The following ZNF521 variants were observed in gnomAD, a reference collection of about 807,000 sequenced individuals.
ZNF521 encodes the protein LYST-interacting protein 3.
ZNF521 carries 14 observed loss-of-function variants against 105.5 expected under a neutral mutation model. The ratio of observed to expected loss-of-function variants is 0.13; its 90% CI spans 0.09 to 0.21. ZNF521 has a LOEUF of 0.21. Ranked by LOEUF, ZNF521 falls within the 10% of genes least tolerant of loss-of-function variation. ZNF521 has a pLI of 1.00. For missense variants in ZNF521, 1,233 were observed against 1,629.7 expected (o/e 0.76, Z 4.19); for synonymous variants, 635 against 606.0 (o/e 1.05, Z -0.70).
chr18:25,226,853 G>C lies in ZNF521; in HGVS notation c.1065C>G (p.Ser355=). The change falls in exon 4 of 8, where the codon TCC becomes TCG. Residue 355 remains serine, a synonymous_variant. Transcript: ENST00000361524. This position sits in a 1 kb window ranked among gnomAD's most constrained non-coding sequence, Gnocchi z 4.1. ...AGAGGTTGGAATCTGGAGTCGTACT[G>C]GACACGGAGGTATAGCCCACCGTGA... ...SLVTVGYTSV[S]STTPDSNLSV... The C allele has an allele frequency of 6.2e-7, 1 of 1,613,904 alleles. No individual in the cohort carries two copies. The highest frequency in any genetic ancestry group is 8.5e-7 in the Non-Finnish European group (1 of 1,179,992).
chr18:25,253,927 T>C (rs765169433), intron 3 of ZNF521, among the ~76,000 whole-genome samples: 1 of 152,132 alleles, frequency 6.6e-6, no homozygotes, highest in Non-Finnish European at 1.5e-5. Flanking sequence ...TGATATGAAC[T>C]CAAATCCTTG....
In ZNF521 at chr18:25,293,989, T is replaced by C. The variant is rs922831123; in HGVS notation, c.220+28019A>G. On this transcript the variant is annotated intron_variant, in intron 3 of 7. Coordinates refer to ENST00000361524, the MANE Select transcript of ZNF521 (RefSeq NM_015461.3). ...TGTGAACTCTAGTTAATGAATATTA[T>C]CTTTGGCAAGCAGTAACCTACAATC... is the stretch of plus-strand genomic sequence containing the variant. Among the ~76,000 whole-genome samples, 5 of 152,334 alleles carry C rather than the reference T, an allele frequency of 3.3e-5. No homozygotes were observed. In the South Asian group the frequency reaches 1.0e-3, roughly 32 times the overall value.
At chr18:25,311,873 T>G (rs1005035188) in intron 3 of ZNF521, among the ~76,000 whole-genome samples, 6 of 151,924 alleles carry the variant, frequency 3.9e-5, no homozygotes, top group Non-Finnish European at 4.4e-5. Context: ...ATTCTATTCA[T>G]TTCAAAAGAC....
chr18:25,323,624 T>G (rs1239464154), intron 2 of ZNF521, among the ~76,000 whole-genome samples: 2 of 152,108 alleles, frequency 1.3e-5, no homozygotes, highest in East Asian at 3.9e-4. Context: ...ACTTTAGATA[T>G]TTCATTAAAT....
At chr18:25,111,556 C>T (rs1372402354) in intron 5 of ZNF521, among the ~76,000 whole-genome samples, 4 of 152,218 alleles carry the variant, frequency 2.6e-5, no homozygotes, top group African/African-American at 7.2e-5. Flanking sequence ...CCAACTGCTA[C>T]ATAATATCTG....
chr18:25,294,347 T>C (rs188611154), intron 3 of ZNF521, among the ~76,000 whole-genome samples: 121 of 152,300 alleles, frequency 7.9e-4, no homozygotes, highest in African/African-American at 2.9e-3. Context: ...GCATAAAGCA[T>C]GGGAAAATAA....
chr18:25,327,879 A>G (rs1913324366), intron 2 of ZNF521, among the ~76,000 whole-genome samples: 1 of 152,080 alleles, frequency 6.6e-6, no homozygotes, highest in African/African-American at 2.4e-5. Flanking sequence ...CACAACACAA[A>G]CAAACAAAAA....
intron 5 of ZNF521, among the ~76,000 whole-genome samples, chr18:25,160,303 T>C (rs1376375689): frequency 3.3e-5 from 5 of 152,248 alleles, no homozygotes; most frequent in Non-Finnish European, 1.5e-5. Context: ...CTGTAAGATG[T>C]TGACCTAGAT....
intron 3 of ZNF521, among the ~76,000 whole-genome samples, chr18:25,232,902 C>A (rs45437197): frequency 3.0e-4 from 45 of 152,274 alleles, no homozygotes; most frequent in Non-Finnish European, 2.8e-4. Flanking sequence ...CTTCTGCCAG[C>A]AGGCTATAGG....
chr18:25,178,971 T>C (rs1411409537), intron 5 of ZNF521, among the ~76,000 whole-genome samples: 1 of 152,068 alleles, frequency 6.6e-6, no homozygotes, highest in Non-Finnish European at 1.5e-5. Flanking sequence ...TCAGTTTCCT[T>C]GTCTGTATAA....
chr18:25,311,523 C>A (rs1912307941), intron 3 of ZNF521, among the ~76,000 whole-genome samples: 1 of 151,982 alleles, frequency 6.6e-6, no homozygotes, highest in African/African-American at 2.4e-5. Flanking sequence ...CAAGATAGAC[C>A]AAATGACTGC....
intron 5 of ZNF521, among the ~76,000 whole-genome samples, chr18:25,163,047 G>A (rs895631294): frequency 1.1e-4 from 16 of 151,854 alleles, no homozygotes; most frequent in African/African-American, 3.9e-4. Context: ...CAGAGATGCA[G>A]GCAAGAAGAG....
At chr18:25,097,645 A>G (rs2033880999) in intron 5 of ZNF521, among the ~76,000 whole-genome samples, 2 of 152,124 alleles carry the variant, frequency 1.3e-5, no homozygotes, top group African/African-American at 2.4e-5. Context: ...ACACTGGGAC[A>G]TGAGGAAATG....
At chr18:25,067,823 C>T (rs544803497) in intron 7 of ZNF521, among the ~76,000 whole-genome samples, 7 of 152,128 alleles carry the variant, frequency 4.6e-5, no homozygotes, top group Non-Finnish European at 1.0e-4. Flanking sequence ...GACCGTGTCT[C>T]GTCTGTGCTT....
intron 4 of ZNF521, among the ~76,000 whole-genome samples, chr18:25,209,565 C>A (rs1303932686): frequency 6.6e-6 from 1 of 152,144 alleles, no homozygotes; most frequent in Non-Finnish European, 1.5e-5. Flanking sequence ...CAAGTAATAG[C>A]CCTTTCAAAC....
At chr18:25,290,490 C>T (rs990584530) in intron 3 of ZNF521, among the ~76,000 whole-genome samples, 1 of 151,960 alleles carries the variant, frequency 6.6e-6, no homozygotes, top group Non-Finnish European at 1.5e-5. Flanking sequence ...GTACTGACTG[C>T]AAATGAGTAG....
At chr18:25,228,942 A>G (rs886731503) in intron 3 of ZNF521, among the ~76,000 whole-genome samples, 1 of 152,130 alleles carries the variant, frequency 6.6e-6, no homozygotes, top group Non-Finnish European at 1.5e-5. Flanking sequence ...AAGGAGCACG[A>G]TTTTTCAAAA....
At position 25,282,895 on chromosome 18, in the gene ZNF521, C is replaced by T. The variant is rs141325342; in HGVS notation, c.220+39113G>A. Among the ~76,000 whole-genome samples the T allele has an allele frequency of 2.4e-3, 365 of 152,274 alleles. 4 individuals carry two copies. The highest frequency in any genetic ancestry group is 8.3e-3 in the African/African-American group (346 of 41,560). ...GAAGATTTCTAAGTGAAAGGCACCA[C>T]GTGGAGTAGAGATAAAAGAGCTTTT... On this transcript the variant is annotated intron_variant, in intron 3 of 7. Coordinates refer to ENST00000361524, the MANE Select transcript of ZNF521 (RefSeq NM_015461.3).
chr18:25,346,227 C>A (rs1181031179), intron 2 of ZNF521, among the ~76,000 whole-genome samples: 1 of 151,412 alleles, frequency 6.6e-6, no homozygotes, highest in Non-Finnish European at 1.5e-5. Flanking sequence ...TCAATCTTTA[C>A]TGATGAGGTT....
Sources: gnomAD v4.1 joint callset for allele counts (sites outside exome capture counted in the v4.1 genomes callset) on GRCh38, gnomAD v4.1.1 for gene constraint, Gnocchi (gnomAD v3.1) non-coding constraint, MANE v1.5 for transcripts, NCBI Gene and HGNC (gene_info 2026-07-23, HGNC 2026-07-21) for gene names.